ADGRB3: variants seen among roughly 807,000 people sequenced by gnomAD.
ADGRB3 encodes brain-specific angiogenesis inhibitor 3.
In ADGRB3, 37 loss-of-function variants were observed where a neutral mutation model predicts 193.4. The ratio of observed to expected loss-of-function variants is 0.19; its 90% confidence interval spans 0.15 to 0.25. The LOEUF is 0.25. ADGRB3 is among the 10% of genes least tolerant of loss of function. ADGRB3 has a pLI of 1.00. For synonymous variants in ADGRB3, 690 were observed against 644.2 expected, an observed-to-expected ratio of 1.07 and a Z score of -1.08; for missense variants, 1,637 against 1,852.9, an observed-to-expected ratio of 0.88 and a Z score of 2.14.
intron 3 of ADGRB3, among the ~76,000 whole-genome samples, chr6:68,818,934 T>C (rs1171003423): frequency 1.5e-5 from 1 of 67,448 alleles, no homozygotes; most frequent in East Asian, 6.2e-4. Context: ...GATAAGTACA[T>C]GTTTCACTGT....
chr6:69,383,652 C>G (rs774258023), intron 31 of ADGRB3, among the ~76,000 whole-genome samples: 13 of 152,124 alleles, frequency 8.5e-5, no homozygotes, highest in South Asian at 6.2e-4. Flanking sequence ...TCACCCAACT[C>G]AGGTTTCTAA....
At chr6:69,194,897 A>C (rs1034510520) in intron 17 of ADGRB3, among the ~76,000 whole-genome samples, 11 of 152,132 alleles carry the variant, frequency 7.2e-5, no homozygotes, top group Admixed American at 7.2e-4. Context: ...TTTCATGTAA[A>C]GTGCTGAGAA....
chr6:69,376,468 T>C (rs1202452286), intron 30 of ADGRB3, among the ~76,000 whole-genome samples: 8 of 151,930 alleles, frequency 5.3e-5, no homozygotes, highest in Non-Finnish European at 8.8e-5. Context: ...TCCACTATTT[T>C]CATATTTCTC....
At chr6:68,963,972 T>C (rs1175934877) in intron 8 of ADGRB3, among the ~76,000 whole-genome samples, 1 of 152,138 alleles carries the variant, frequency 6.6e-6, no homozygotes, top group African/African-American at 2.4e-5. Context: ...CTTTTGAATG[T>C]TTTTATTTCA....
intron 3 of ADGRB3, among the ~76,000 whole-genome samples, chr6:68,768,606 A>C (rs527554160): frequency 6.6e-6 from 1 of 152,314 alleles, no homozygotes; most frequent in African/African-American, 2.4e-5. Flanking sequence ...AAACCTAGGC[A>C]ATATCATTCA....
In ADGRB3 at chr6:69,156,716, A is replaced by G. The variant is rs143145052; in HGVS notation, c.2481-76574A>G. Among the ~76,000 whole-genome samples, 752 of 152,352 alleles carry G rather than the reference A, an allele frequency of 4.9e-3. 10 individuals carry two copies. The highest frequency in any genetic ancestry group is 0.017 in the African/African-American group (704 of 41,576). On this transcript the variant is annotated intron_variant, in intron 17 of 31. Coordinates refer to ENST00000370598, the MANE Select transcript of ADGRB3 (RefSeq NM_001704.3). Reference sequence around the variant, plus strand: ...ATTGCAAAGAGACAAGAATGAAAACAGAAAATCCAATGTTGTTATGAAAAT... The same window carrying G: ...ATTGCAAAGAGACAAGAATGAAAACGGAAAATCCAATGTTGTTATGAAAAT...
intron 17 of ADGRB3, among the ~76,000 whole-genome samples, chr6:69,204,708 T>C (rs1263703009): frequency 6.6e-6 from 1 of 152,226 alleles, no homozygotes; most frequent in Admixed American, 6.5e-5. Flanking sequence ...ATCTAGAAAT[T>C]AAAAGAATCA....
At chr6:68,721,402 C>G (rs1166504901) in intron 3 of ADGRB3, among the ~76,000 whole-genome samples, 1 of 150,708 alleles carries the variant, frequency 6.6e-6, no homozygotes. Context: ...TGCGTGTTCT[C>G]ACTCATAGGT....
chr6:69,004,890 G>A (rs1769701425), intron 11 of ADGRB3, among the ~76,000 whole-genome samples: 1 of 152,106 alleles, frequency 6.6e-6, no homozygotes, highest in South Asian at 2.1e-4. Context: ...GTCTGTGTCA[G>A]TCATCTTTCT....
chr6:69,068,061 G>A (rs1342338555), intron 16 of ADGRB3, among the ~76,000 whole-genome samples: 3 of 152,082 alleles, frequency 2.0e-5, no homozygotes, highest in African/African-American at 4.8e-5. Flanking sequence ...AATATGAACC[G>A]ATAGGTGTGG....
At chr6:69,249,018 C>G (rs2127265790) in intron 20 of ADGRB3, among the ~76,000 whole-genome samples, 1 of 152,232 alleles carries the variant, frequency 6.6e-6, no homozygotes, top group South Asian at 2.1e-4. Flanking sequence ...TGCTTTGTTG[C>G]CCAGGCTGGA....
At chr6:68,958,372 A>T (rs962032786) in intron 8 of ADGRB3, among the ~76,000 whole-genome samples, 4 of 152,234 alleles carry the variant, frequency 2.6e-5, no homozygotes, top group Non-Finnish European at 5.9e-5. Flanking sequence ...AAACAAAAAC[A>T]TTTATTTTGC....
chr6:69,082,977 C>T (rs1772430796), intron 17 of ADGRB3, among the ~76,000 whole-genome samples: 1 of 152,158 alleles, frequency 6.6e-6, no homozygotes, highest in African/African-American at 2.4e-5. Flanking sequence ...TAAATAGAGT[C>T]TAGAGGTTCC....
At chr6:68,763,651 TTAAAGGTAATGCA>T (rs1187877594) in intron 3 of ADGRB3, among the ~76,000 whole-genome samples, 15 of 152,236 alleles carry the variant, frequency 9.9e-5, no homozygotes, top group Admixed American at 2.6e-4. Flanking sequence ...GTTTCTGAAT[TTAAAGGTAATGCA>T]TCTGAAGATT....
chr6:68,881,173 T>C (rs1186011106), intron 3 of ADGRB3, among the ~76,000 whole-genome samples: 1 of 65,622 alleles, frequency 1.5e-5, no homozygotes, highest in East Asian at 3.9e-4. Context: ...CCATTCCTTA[T>C]AAAGTTTTTT....
At chr6:68,936,731 T>G in intron 5 of ADGRB3, 51 bp downstream of exon 5, 1 of 1,562,862 alleles carries the variant, frequency 6.4e-7, no homozygotes, top group Non-Finnish European at 8.7e-7. Flanking sequence ...TGTGTCATGC[T>G]ACGCATTTGG....
At chr6:68,656,181 G>A (rs1007504222) in intron 3 of ADGRB3, among the ~76,000 whole-genome samples, 35 of 151,474 alleles carry the variant, frequency 2.3e-4, no homozygotes, top group Non-Finnish European at 4.3e-4. Flanking sequence ...TTTTTTAAAA[G>A]ATCATACTGT....
At chr6:69,038,625 T>A (rs1043407644) in intron 13 of ADGRB3, among the ~76,000 whole-genome samples, 12 of 152,218 alleles carry the variant, frequency 7.9e-5, no homozygotes, top group Admixed American at 7.2e-4. Context: ...TTTACAAGGA[T>A]CTGTTTCTAA....
At chr6:68,875,389 G>C (rs1765571532) in intron 3 of ADGRB3, among the ~76,000 whole-genome samples, 1 of 150,848 alleles carries the variant, frequency 6.6e-6, no homozygotes, top group Non-Finnish European at 1.5e-5. Flanking sequence ...GGTTAAAAGG[G>C]AAGCATGAAA....
Sources: gnomAD v4.1 joint callset for allele counts (sites outside exome capture counted in the v4.1 genomes callset) on GRCh38, gnomAD v4.1.1 for gene constraint, MANE v1.5 for transcripts, NCBI Gene and HGNC (gene_info 2026-07-23, HGNC 2026-07-21) for gene names.